Variants in VGLL4 observed in about 807,000 individuals in gnomAD.
VGLL4 encodes vestigial like family member 4.
VGLL4 carries 7 observed loss-of-function variants against 21.0 expected under a neutral mutation model. The ratio of observed to expected loss-of-function variants is 0.33; its 90% CI spans 0.19 to 0.63. The LOEUF (loss-of-function observed/expected upper bound fraction) is 0.63, where lower values mean the gene tolerates loss of function less well. Ranked by LOEUF, VGLL4 falls within the 20% of genes least tolerant of loss-of-function variation. The pLI, the probability that VGLL4 is intolerant of heterozygous loss-of-function variation, is 0.78. For synonymous variants in VGLL4, 222 were observed against 173.2 expected (o/e 1.28, Z -2.21); for missense variants, 394 against 425.7 (o/e 0.93, Z 0.66).
intron 1 of VGLL4, among the ~76,000 whole-genome samples, chr3:11,635,316 T>A (rs900962529): frequency 6.6e-6 from 1 of 151,374 alleles, no homozygotes; most frequent in African/African-American, 2.5e-5. Context: ...TAGGAGCACA[T>A]GATGAAGGGA....
chr3:11,567,260 AAAC>A (rs2073580897), intron 2 of VGLL4, among the ~76,000 whole-genome samples: 1 of 152,132 alleles, frequency 6.6e-6, no homozygotes, highest in African/African-American at 2.4e-5. Flanking sequence ...ACACAAACAA[AAAC>A]AATCAGAGCG....
chr3:11,584,302 G>A (rs1263249806), intron 2 of VGLL4, among the ~76,000 whole-genome samples: 1 of 151,988 alleles, frequency 6.6e-6, no homozygotes, highest in Non-Finnish European at 1.5e-5. Context: ...GGCCAATAAG[G>A]ATATGAAAAC....
At chr3:11,629,614 G>T (rs2075433132) in intron 1 of VGLL4, among the ~76,000 whole-genome samples, 1 of 152,062 alleles carries the variant, frequency 6.6e-6, no homozygotes, top group African/African-American at 2.4e-5. Flanking sequence ...AGTTGTGGTG[G>T]CAAGCGCCTG....
chr3:11,562,704 T>G (rs1405861539), intron 3 of VGLL4, among the ~76,000 whole-genome samples: 1 of 152,208 alleles, frequency 6.6e-6, no homozygotes, highest in Non-Finnish European at 1.5e-5. Flanking sequence ...GAATGACATG[T>G]GCTGACAGCA....
intron 1 of VGLL4, among the ~76,000 whole-genome samples, chr3:11,630,079 AAAC>A (rs1445322101): frequency 7.9e-5 from 12 of 152,316 alleles, no homozygotes; most frequent in Admixed American, 3.9e-4. Context: ...CCATTTGGAA[AAAC>A]AACCCCTCCC....
At chr3:11,680,311 T>C (rs2076350903) in intron 2 of VGLL4, among the ~76,000 whole-genome samples, 1 of 152,244 alleles carries the variant, frequency 6.6e-6, no homozygotes, top group Non-Finnish European at 1.5e-5. Flanking sequence ...TACTCCCTGT[T>C]ATAACCATGA....
chr3:11,573,218 GAAAGACAGACAGAAAGAAAAGAAAT>G, intron 2 of VGLL4, among the ~76,000 whole-genome samples: 1 of 144,908 alleles, frequency 6.9e-6, no homozygotes, highest in East Asian at 2.0e-4. Context: ...GAGAGAGAGA[GAAAGACAGACAGAAAGAAAAGAAAT>G]AGAGAAAGAA....
chr3:11,718,135 A>G (rs2076943421), intron 1 of VGLL4, among the ~76,000 whole-genome samples: 1 of 152,224 alleles, frequency 6.6e-6, no homozygotes, highest in Admixed American at 6.5e-5. Flanking sequence ...GGCTGCCCAG[A>G]AGTGTGAAAA....
intron 1 of VGLL4, among the ~76,000 whole-genome samples, chr3:11,607,685 T>G (rs73027105): frequency 0.14 from 21,808 of 152,164 alleles, 2,099 homozygotes; most frequent in East Asian, 0.26. Flanking sequence ...CTTTTTTCTC[T>G]CAGGCTTTTC....
chr3:11,703,181 G>T, intron 1 of VGLL4: 2 of 735,100 alleles, frequency 2.7e-6, no homozygotes, highest in Non-Finnish European at 4.1e-6. Flanking sequence ...CTTCCCACAT[G>T]AGGAAACAGA....
intron 2 of VGLL4, among the ~76,000 whole-genome samples, chr3:11,595,092 T>C (rs12630597): frequency 0.27 from 40,511 of 151,760 alleles, 6,193 homozygotes; most frequent in African/African-American, 0.42. Context: ...ACCCAGGAGG[T>C]GGAGGTTGTG....
upstream of VGLL4, among the ~76,000 whole-genome samples, chr3:11,644,743 G>A (rs1373773422): frequency 6.6e-6 from 1 of 151,630 alleles, no homozygotes; most frequent in African/African-American, 2.4e-5. Context: ...CTACTCAGGA[G>A]GCTGAGGTGG....
chr3:11,578,736 A>C (rs192445673), intron 2 of VGLL4, among the ~76,000 whole-genome samples: 355 of 142,970 alleles, frequency 2.5e-3, no homozygotes, highest in Non-Finnish European at 4.0e-3. Flanking sequence ...TGAGGCATCT[A>C]CTGTATATTT....
At chr3:11,626,965 G>A (rs1336150970) in intron 1 of VGLL4, among the ~76,000 whole-genome samples, 1 of 151,560 alleles carries the variant, frequency 6.6e-6, no homozygotes, top group East Asian at 1.9e-4. Context: ...GGTGGGGGTG[G>A]GGGGCAGTGA....
chr3:11,676,928 ATTT>A (rs1229120557), intron 2 of VGLL4, among the ~76,000 whole-genome samples: 1 of 152,200 alleles, frequency 6.6e-6, no homozygotes, highest in Non-Finnish European at 1.5e-5. Flanking sequence ...TATTCATTAA[ATTT>A]TTTTGATATA....
Position 11,556,508 on chromosome 3 carries a change from C to CTA in VGLL4, c.*2047_*2048insTA. The CTA allele has an allele frequency of 6.5e-6, 1 of 152,784 alleles. No homozygotes were observed. Among genetic ancestry groups the CTA allele is most frequent in the East Asian group, 1.9e-4 (1 of 5,314 alleles). 9.5% of individuals were successfully genotyped at this position (152,784 alleles called of 1,614,324 possible). Reference sequence around the variant, plus strand: ...GTTTTCCTGTTACGACGCTCAGTAGCCTGTAGCAATAACAAACTCGTGGCT... The same window carrying CTA: ...GTTTTCCTGTTACGACGCTCAGTAGCTACTGTAGCAATAACAAACTCGTGGCT... On this transcript the variant is annotated 3_prime_UTR_variant, in exon 5 of 5. Coordinates refer to ENST00000430365, the MANE Select transcript of VGLL4 (RefSeq NM_001128219.3).
chr3:11,630,787 G>T (rs372054390), intron 1 of VGLL4, among the ~76,000 whole-genome samples: 2 of 152,036 alleles, frequency 1.3e-5, no homozygotes, highest in African/African-American at 4.8e-5. Flanking sequence ...CCAATAATCC[G>T]GCAATTCTAC....
chr3:11,649,298 C>T (rs1449822576), intron 2 of VGLL4, among the ~76,000 whole-genome samples: 1 of 152,018 alleles, frequency 6.6e-6, no homozygotes, highest in Non-Finnish European at 1.5e-5. Context: ...ACATTATTCA[C>T]CAACTGTGCT....
rs2124841439 is a variant in VGLL4, at chr3:11,719,227, G to C, written c.-14+1167C>G. Among the ~76,000 whole-genome samples the C allele has an allele frequency of 6.6e-6, 1 of 152,170 alleles. No individual in the cohort carries two copies. Among genetic ancestry groups the C allele is most frequent in the South Asian group, 2.1e-4 (1 of 4,822 alleles). Reference sequence around the variant, plus strand: ...GCCCGCCCCGAGCCTCCGACTCCCAGGACGTCCTCCGGGAGCCTAGGCGCT... The same window carrying C: ...GCCCGCCCCGAGCCTCCGACTCCCACGACGTCCTCCGGGAGCCTAGGCGCT... On this transcript the variant is annotated intron_variant, in intron 1 of 5. Coordinates refer to the VGLL4 transcript ENST00000273038. This position sits in a 1 kb window ranked among gnomAD's most constrained non-coding sequence, Gnocchi z 4.0.
Sources: gnomAD v4.1 joint callset for allele counts (sites outside exome capture counted in the v4.1 genomes callset) on GRCh38, gnomAD v4.1.1 for gene constraint, Gnocchi (gnomAD v3.1) non-coding constraint, MANE v1.5 for transcripts, NCBI Gene and HGNC (gene_info 2026-07-23, HGNC 2026-07-21) for gene names.